SGCZ: variants seen among roughly 807,000 people sequenced by gnomAD.
The protein encoded by SGCZ is sarcoglycan zeta.
SGCZ carries 40 observed loss-of-function variants against 41.3 expected under a neutral mutation model. The observed-to-expected ratio is 0.97, with a 90% CI of 0.75 to 1.26. The LOEUF (loss-of-function observed/expected upper bound fraction) is 1.26. Among genes scored for constraint, SGCZ ranks in the 50% most tolerant of loss-of-function variants. SGCZ has a pLI of 0.00. For missense variants in SGCZ, 552 were observed against 369.8 expected (o/e 1.49, Z -4.04); for synonymous variants, 206 against 137.5 (o/e 1.50, Z -3.49).
At chr8:14,317,473 A>C (rs1801756459) in intron 3 of SGCZ, among the ~76,000 whole-genome samples, 2 of 152,006 alleles carry the variant, frequency 1.3e-5, no homozygotes, top group African/African-American at 4.8e-5. Context: ...ATAAAATTTC[A>C]AGAAAATTGC....
intron 3 of SGCZ, among the ~76,000 whole-genome samples, chr8:14,318,094 G>T (rs1455042481): frequency 2.6e-5 from 4 of 151,822 alleles, no homozygotes; most frequent in African/African-American, 9.7e-5. Flanking sequence ...AAGAAAGGTT[G>T]TATTTCAATT....
intron 1 of SGCZ, among the ~76,000 whole-genome samples, chr8:14,821,035 A>C (rs1802062676): frequency 6.6e-6 from 1 of 151,950 alleles, no homozygotes. Flanking sequence ...GATCAACAAA[A>C]CAATTGGTTT....
intron 1 of SGCZ, among the ~76,000 whole-genome samples, chr8:14,776,773 G>A (rs946062838): frequency 6.6e-6 from 1 of 152,056 alleles, no homozygotes; most frequent in Non-Finnish European, 1.5e-5. Context: ...GATTACAGGC[G>A]TGAGCTATGG....
At chr8:15,136,449 G>A (rs777857018) in intron 1 of SGCZ, among the ~76,000 whole-genome samples, 2 of 151,824 alleles carry the variant, frequency 1.3e-5, no homozygotes, top group Non-Finnish European at 2.9e-5. Context: ...AGGAGAGACT[G>A]TGGGGAGGTG....
intron 3 of SGCZ, among the ~76,000 whole-genome samples, chr8:14,257,356 A>G (rs1279840084): frequency 8.0e-6 from 1 of 124,842 alleles, no homozygotes; most frequent in Non-Finnish European, 2.0e-5. Context: ...CCAGAAAAAA[A>G]AAAGAAGAAA....
intron 3 of SGCZ, among the ~76,000 whole-genome samples, chr8:14,322,071 C>G (rs1280759598): frequency 6.6e-6 from 1 of 152,016 alleles, no homozygotes; most frequent in Non-Finnish European, 1.5e-5. Flanking sequence ...AATATTTATC[C>G]AACTTTTAGG....
intron 2 of SGCZ, among the ~76,000 whole-genome samples, chr8:14,407,324 C>T (rs528597545): frequency 1.3e-5 from 2 of 152,142 alleles, no homozygotes; most frequent in African/African-American, 2.4e-5. Flanking sequence ...GGTTTCTTAA[C>T]TGTATGCCAC....
intron 1 of SGCZ, among the ~76,000 whole-genome samples, chr8:15,187,905 A>C (rs1800397249): frequency 6.6e-6 from 1 of 152,000 alleles, no homozygotes; most frequent in Non-Finnish European, 1.5e-5. Context: ...TATTTATGAA[A>C]ATGATTAAGG....
intron 2 of SGCZ, among the ~76,000 whole-genome samples, chr8:14,472,678 C>T (rs1801247481): frequency 6.6e-6 from 1 of 152,006 alleles, no homozygotes; most frequent in South Asian, 2.1e-4. Flanking sequence ...ACATGTATTG[C>T]CCTATTTAAC....
At chr8:14,820,671 A>T (rs1227454512) in intron 1 of SGCZ, among the ~76,000 whole-genome samples, 1 of 152,052 alleles carries the variant, frequency 6.6e-6, no homozygotes, top group African/African-American at 2.4e-5. Context: ...GTAAAACTAG[A>T]AGTCAACAAG....
chr8:14,836,848 C>T (rs75357302), intron 1 of SGCZ, among the ~76,000 whole-genome samples: 3,857 of 152,236 alleles, frequency 0.025, 169 homozygotes, highest in African/African-American at 0.088. Context: ...TCACTTCCTT[C>T]TTAAAAATAT....
chr8:14,300,179 T>C (rs1275712296), intron 3 of SGCZ, among the ~76,000 whole-genome samples: 3 of 151,914 alleles, frequency 2.0e-5, no homozygotes, highest in African/African-American at 7.2e-5. Flanking sequence ...ATGTCAAAGT[T>C]GTGTATTTCA....
At chr8:14,283,788 A>G (rs963770667) in intron 3 of SGCZ, among the ~76,000 whole-genome samples, 7 of 152,214 alleles carry the variant, frequency 4.6e-5, no homozygotes, top group African/African-American at 1.2e-4. Context: ...CAATGGCACA[A>G]CAGCAGCCAT....
At chr8:14,361,016 T>C (rs376667823) in intron 2 of SGCZ, among the ~76,000 whole-genome samples, 1 of 152,200 alleles carries the variant, frequency 6.6e-6, no homozygotes, top group East Asian at 1.9e-4. Context: ...ATAGTTTTCA[T>C]ATGTATTTCT....
chr8:14,418,114 G>A (rs1243745859), intron 2 of SGCZ, among the ~76,000 whole-genome samples: 1 of 151,914 alleles, frequency 6.6e-6, no homozygotes, highest in African/African-American at 2.4e-5. Context: ...CACACGCCCT[G>A]CCTTCACTGG....
intron 2 of SGCZ, among the ~76,000 whole-genome samples, chr8:14,339,030 T>C (rs762414691): frequency 6.6e-6 from 1 of 152,202 alleles, no homozygotes; most frequent in Non-Finnish European, 1.5e-5. Flanking sequence ...AGTACATTAA[T>C]ATTTCTGCCA....
chr8:15,116,852 T>C (rs756439929), intron 1 of SGCZ, among the ~76,000 whole-genome samples: 30 of 152,364 alleles, frequency 2.0e-4, no homozygotes, highest in South Asian at 1.0e-3. Flanking sequence ...CATGCAGTAA[T>C]GTTCCAACTC....
intron 1 of SGCZ, among the ~76,000 whole-genome samples, chr8:15,006,466 G>A (rs185452993): frequency 1.3e-5 from 2 of 152,238 alleles, no homozygotes; most frequent in African/African-American, 4.8e-5. Flanking sequence ...AGAACCTTAC[G>A]AAGCCTAATT....
At chr8:14,603,549 G>C (rs1303234924) in intron 1 of SGCZ, among the ~76,000 whole-genome samples, 2 of 151,698 alleles carry the variant, frequency 1.3e-5, no homozygotes, top group African/African-American at 2.4e-5. Context: ...TTTATAAATA[G>C]TGATATTTTA....
Sources: allele counts gnomAD v4.1 joint callset (sites outside exome capture counted in the v4.1 genomes callset), GRCh38; gene constraint gnomAD v4.1.1; transcripts MANE v1.5; gene names NCBI Gene and HGNC (gene_info 2026-07-23, HGNC 2026-07-21).